The following SYNE1 variants were observed in gnomAD, a reference collection of about 807,000 sequenced individuals.
SYNE1 encodes the protein nesprin-1.
A neutral mutation model predicts 1,111.0 loss-of-function variants in SYNE1; 616 were observed. That is an observed-to-expected ratio of 0.55 (90% CI 0.52 to 0.59). SYNE1 has a LOEUF of 0.59. Ranked by LOEUF, SYNE1 falls within the 20% of genes least tolerant of loss-of-function variation. SYNE1 has a pLI of 0.00. For missense variants in SYNE1, 10,006 were observed against 10,417.0 expected, an observed-to-expected ratio of 0.96 and a Z score of 1.72; for synonymous variants, 3,855 against 3,825.8, an observed-to-expected ratio of 1.01 and a Z score of -0.28.
rs76699382 is a variant in SYNE1 at position 152,164,210 on chromosome 6, C to T, written c.23743G>A (p.Asp7915Asn). The change falls in exon 131 of 146, where the codon GAT becomes AAT. Residue 7915 changes from aspartate (D) to asparagine (N), a missense_variant. Coordinates refer to ENST00000367255, the MANE Select transcript of SYNE1 (RefSeq NM_182961.4). The part of the protein sequence containing the change: ...ESELAKPIVY[D>N]SCNSEEIQRK... ...TGTATTTCTTCCGAGTTACAGGAAT[C>T]GTAGACTATTGGCTTGGCCAGCTCT... 1.8e-3 allele frequency: 2,896 copies of T among 1,614,160 alleles called. 30 individuals carry two copies. In the African/African-American group the frequency reaches 0.032, roughly 18 times the overall value.
At position 152,539,980 on chromosome 6, in the gene SYNE1, T is replaced by C. The variant is rs2099261644; in HGVS notation, c.109A>G (p.Ile37Val). The change falls in exon 4 of 146, where the codon ATC (isoleucine) becomes GTC (valine). Residue 37 changes from isoleucine to valine, a missense_variant. Around this residue, in one of 7 missense-constraint regions of SYNE1, gnomAD observed 1,971 missense variants for 2,084.1 expected, o/e 0.95. Transcript: ENST00000367255. ...IVQKRTFTKW[I>V]NSHLAKRKPP... The stretch of plus-strand genomic sequence containing the variant: ...TTTACCTTGGCCAGATGAGAGTTGA[T>C]CCATTTTGTGAAAGTTCGTTTTTGT... The C allele has an allele frequency of 1.2e-6, 2 of 1,613,942 alleles. No individual in the cohort carries two copies. The highest frequency in any genetic ancestry group is 8.5e-7 in the Non-Finnish European group (1 of 1,179,908).
chr6:152,353,879 CAT>C (rs1284466641), intron 67 of SYNE1, 135 bp from the exon 68 acceptor site: 9 of 1,061,402 alleles, frequency 8.5e-6, no homozygotes, highest in Admixed American at 1.9e-5. Flanking sequence ...TTGAAAATGC[CAT>C]ATGTTATCTT....
intron 6 of SYNE1, among the ~76,000 whole-genome samples, chr6:152,518,008 CACAA>C (rs1269676791): frequency 1.3e-5 from 2 of 150,962 alleles, no homozygotes; most frequent in African/African-American, 4.8e-5. Flanking sequence ...CAAAATAGAA[CACAA>C]ACAACAACAA....
At position 152,278,362 on chromosome 6, in the gene SYNE1, T is replaced by C. The variant is rs988053557; in HGVS notation, c.18382-82A>G. Reference sequence around the variant, plus strand: ...TGTTTCCCACAGTGAAATACAGCCCTTTGGAGTCTTTTACGAAACGGACAG... The same window carrying C: ...TGTTTCCCACAGTGAAATACAGCCCCTTGGAGTCTTTTACGAAACGGACAG... On this transcript the variant is annotated intron_variant, in intron 97 of 145. Coordinates refer to ENST00000367255, the MANE Select transcript of SYNE1 (RefSeq NM_182961.4). The C allele has an allele frequency of 1.6e-5, 24 of 1,510,718 alleles. No homozygotes were observed. In the Middle Eastern group the frequency reaches 5.1e-4, roughly 32 times the overall value. 93.6% of individuals were successfully genotyped at this position (1,510,718 alleles called of 1,614,324 possible). A position where few individuals can be genotyped will look rare whatever the true frequency, so the allele number is the denominator to read the frequency against.
intron 98 of SYNE1, 181 bp downstream of exon 98, chr6:152,277,908 C>A: frequency 1.3e-6 from 1 of 752,288 alleles, no homozygotes; most frequent in South Asian, 1.5e-5. Flanking sequence ...AATCTATTTG[C>A]AAATGTTTGC....
intron 128 of SYNE1, among the ~76,000 whole-genome samples, chr6:152,181,032 A>G (rs2067889343): frequency 6.7e-6 from 1 of 150,330 alleles, no homozygotes; most frequent in African/African-American, 2.5e-5. Context: ...GTATATTCAC[A>G]GCATTTGTGA....
intron 89 of SYNE1, 85 bp downstream of exon 89, chr6:152,310,311 T>C (rs912967153): frequency 1.3e-5 from 21 of 1,557,950 alleles, no homozygotes; most frequent in Non-Finnish European, 1.8e-5. Flanking sequence ...AAAACAGTGT[T>C]GAGTTTAGGA....
chr6:152,344,182 G>T lies in SYNE1; in HGVS notation c.12124C>A (p.Gln4042Lys). Reference sequence around the variant, plus strand: ...GCCTGGCACTGCTGCAGGGTGTCTTGTCGGCTGACGTGCTTCTGAAGTTCG... The same window carrying T: ...GCCTGGCACTGCTGCAGGGTGTCTTTTCGGCTGACGTGCTTCTGAAGTTCG... ...EHELQKHVSRQDTLQQCQAWL... is the reference protein window; with the variant it reads ...EHELQKHVSRKDTLQQCQAWL... The change falls in exon 74 of 146, where the codon CAA becomes AAA. Residue 4042 changes from glutamine to lysine, a missense_variant. Gln to Lys is a moderately conservative substitution (Grantham distance 53, BLOSUM62 1). Transcript: ENST00000367255. 6.2e-7 allele frequency: 1 copy of T among 1,614,218 alleles called. No homozygotes were observed. Among genetic ancestry groups the T allele is most frequent in the Non-Finnish European group, 8.5e-7 (1 of 1,180,046 alleles).
intron 3 of SYNE1, among the ~76,000 whole-genome samples, chr6:152,624,010 T>C (rs2128937592): frequency 6.6e-6 from 1 of 152,234 alleles, no homozygotes; most frequent in African/African-American, 2.4e-5. Context: ...TTATTACTCA[T>C]AAAAAATTTT....
chr6:152,485,116 T>A, intron 12 of SYNE1, 144 bp from the exon 13 acceptor site: 2 of 952,532 alleles, frequency 2.1e-6, no homozygotes, highest in Middle Eastern at 3.2e-4. Context: ...GTTATGATAC[T>A]AATAGCAGCT....
chr6:152,237,437 G>C (rs977306429), intron 108 of SYNE1, among the ~76,000 whole-genome samples: 1 of 150,230 alleles, frequency 6.7e-6, no homozygotes, highest in African/African-American at 2.5e-5. Context: ...ATCCTCCCAA[G>C]TAGCTGGGAC....
intron 122 of SYNE1, among the ~76,000 whole-genome samples, chr6:152,214,447 T>C (rs2078179602): frequency 6.6e-6 from 1 of 152,206 alleles, no homozygotes; most frequent in Non-Finnish European, 1.5e-5. Flanking sequence ...CATGAGCTTA[T>C]ATTCTATTGA....
intron 84 of SYNE1, 118 bp downstream of exon 84, chr6:152,321,120 C>A: frequency 1.2e-5 from 14 of 1,127,386 alleles, no homozygotes; most frequent in Non-Finnish European, 1.6e-5. Flanking sequence ...TTATAGCCAT[C>A]TATTTTTTTT....
intron 131 of SYNE1, among the ~76,000 whole-genome samples, chr6:152,158,482 GC>G (rs1169759127): frequency 8.6e-5 from 13 of 151,992 alleles, no homozygotes; most frequent in African/African-American, 3.1e-4. Context: ...ATGTCATAGT[GC>G]CTTTAATTAA....
chr6:152,347,916 C>T, intron 72 of SYNE1, among the ~76,000 whole-genome samples: 1 of 151,550 alleles, frequency 6.6e-6, no homozygotes, highest in Admixed American at 6.6e-5. Flanking sequence ...TCTTGAACTC[C>T]TGACCTCAAG....
At chr6:152,537,335 G>A (rs553729518) in intron 4 of SYNE1, among the ~76,000 whole-genome samples, 4 of 152,038 alleles carry the variant, frequency 2.6e-5, no homozygotes, top group Admixed American at 1.3e-4. Flanking sequence ...AAGTTTTAAT[G>A]ATCTAACATT....
chr6:152,568,136 A>T (rs2099422809), intron 3 of SYNE1, among the ~76,000 whole-genome samples: 1 of 152,140 alleles, frequency 6.6e-6, no homozygotes, highest in African/African-American at 2.4e-5. Context: ...TAATGAAGAC[A>T]GACATTTTAG....
chr6:152,573,298 CA>C (rs1369013865), intron 3 of SYNE1, among the ~76,000 whole-genome samples: 2 of 150,770 alleles, frequency 1.3e-5, no homozygotes, highest in African/African-American at 4.9e-5. Context: ...CGTCATTTAG[CA>C]TTAGGTATAT....
chr6:152,511,426 G>T, intron 6 of SYNE1: 1 of 699,760 alleles, frequency 1.4e-6, no homozygotes, highest in East Asian at 2.7e-5. Context: ...TTTATATTTA[G>T]AGGTTGACTG....
Sources: gnomAD v4.1 joint callset for allele counts (sites outside exome capture counted in the v4.1 genomes callset) on GRCh38, gnomAD v4.1.1 for gene constraint, gnomAD v4.1.1 regional missense constraint, MANE v1.5 for transcripts, NCBI Gene and HGNC (gene_info 2026-07-23, HGNC 2026-07-21) for gene names.